The following TRAF3 variants were observed in gnomAD, a reference collection of about 807,000 sequenced individuals.
The protein encoded by TRAF3 is TNF receptor-associated factor 3.
A neutral mutation model predicts 62.3 loss-of-function variants in TRAF3; 13 were observed. The ratio of observed to expected loss-of-function variants is 0.21; its 90% CI spans 0.14 to 0.33. The LOEUF (loss-of-function observed/expected upper bound fraction) is 0.33, where lower values mean the gene tolerates loss of function less well. Among genes scored for constraint, TRAF3 ranks in the 10% least tolerant of loss-of-function variants. The pLI is 1.00. For synonymous variants in TRAF3, 269 were observed against 283.4 expected (o/e 0.95, Z 0.51); for missense variants, 440 against 741.8 (o/e 0.59, Z 4.73).
At chr14:102,882,108 G>A (rs1266776809) in intron 6 of TRAF3, among the ~76,000 whole-genome samples, 1 of 152,168 alleles carries the variant, frequency 6.6e-6, no homozygotes, top group African/African-American at 2.4e-5. Flanking sequence ...ATGCCAACAA[G>A]GAAGGACCAG....
At chr14:102,883,439 CAG>C (rs532062279) in intron 6 of TRAF3, among the ~76,000 whole-genome samples, 104 of 152,232 alleles carry the variant, frequency 6.8e-4, no homozygotes, top group African/African-American at 2.4e-3. Context: ...TTACAAAACT[CAG>C]GGTTGTGGTT....
intron 2 of TRAF3, among the ~76,000 whole-genome samples, chr14:102,863,588 G>A (rs1887804006): frequency 6.6e-6 from 1 of 152,150 alleles, no homozygotes. Flanking sequence ...GGTCTTTCCT[G>A]AACATGTACA....
chr14:102,795,596 A>ATGTGTGCGTG (rs1189667975), intron 1 of TRAF3, among the ~76,000 whole-genome samples: 11 of 129,194 alleles, frequency 8.5e-5, no homozygotes, highest in African/African-American at 3.0e-4. Context: ...TGATATGTAT[A>ATGTGTGCGTG]TATGTGTGTG....
At position 102,870,357 on chromosome 14, in the gene TRAF3, G is replaced by T. The variant is rs779844990; in HGVS notation, c.156G>T (p.Lys52Asn). The T allele has an allele frequency of 8.1e-6, 13 of 1,614,118 alleles. No homozygotes were observed. The Admixed American group carries it at 2.2e-4, about 27-fold the overall frequency. ...TGAAGACCGTGGAGGACAAGTACAA[G>T]TGTGAGAAGTGCCACCTGGTGCTGT... is the stretch of plus-strand genomic sequence containing the variant. ...KFVKTVEDKY[K>N]CEKCHLVLCS... The change falls in exon 3 of 12, where the codon AAG becomes AAT. Residue 52 changes from lysine to asparagine, a missense_variant. By Grantham distance (94) the Lys-to-Asn change is moderately conservative (BLOSUM62 0). Around this residue, in one of 6 missense-constraint regions of TRAF3, gnomAD observed 255 missense variants for 424.1 expected, o/e 0.60. Transcript: ENST00000392745.
chr14:102,803,576 ATT>A (rs747187998), intron 1 of TRAF3, among the ~76,000 whole-genome samples: 9 of 144,706 alleles, frequency 6.2e-5, no homozygotes, highest in Admixed American at 7.0e-5. Context: ...CAGAAGTATA[ATT>A]TTTTTTTTTT....
chr14:102,868,531 AGG>A (rs1034970736), intron 2 of TRAF3, among the ~76,000 whole-genome samples: 5 of 152,192 alleles, frequency 3.3e-5, no homozygotes, highest in Non-Finnish European at 7.3e-5. Flanking sequence ...AAAGGTCGTA[AGG>A]CACTGGGCAA....
At chr14:102,890,897 G>C (rs1889672893) in intron 8 of TRAF3, among the ~76,000 whole-genome samples, 1 of 152,170 alleles carries the variant, frequency 6.6e-6, no homozygotes, top group Non-Finnish European at 1.5e-5. Flanking sequence ...TTACTAGACT[G>C]TTGTGGCAGT....
intron 2 of TRAF3, among the ~76,000 whole-genome samples, chr14:102,861,413 A>T (rs1289092094): frequency 2.6e-5 from 4 of 152,194 alleles, no homozygotes. Flanking sequence ...CATCAAACCC[A>T]AGTTCAGTCA....
At chr14:102,786,936 G>A (rs1367406141) in intron 1 of TRAF3, among the ~76,000 whole-genome samples, 1 of 151,774 alleles carries the variant, frequency 6.6e-6, no homozygotes, top group African/African-American at 2.4e-5. Context: ...CGAGGCTACA[G>A]TGAGGTGTTA....
At chr14:102,850,397 T>C (rs1886963226) in intron 2 of TRAF3, among the ~76,000 whole-genome samples, 1 of 152,156 alleles carries the variant, frequency 6.6e-6, no homozygotes, top group Non-Finnish European at 1.5e-5. Flanking sequence ...TAAAGAAGAC[T>C]GCAGAATAAG....
At chr14:102,840,856 C>T (rs1886334332) in intron 2 of TRAF3, among the ~76,000 whole-genome samples, 1 of 152,124 alleles carries the variant, frequency 6.6e-6, no homozygotes, top group African/African-American at 2.4e-5. Context: ...GGACCATGTT[C>T]CTTGAAATAA....
At chr14:102,843,128 G>A (rs1379145847) in intron 2 of TRAF3, among the ~76,000 whole-genome samples, 1 of 151,374 alleles carries the variant, frequency 6.6e-6, no homozygotes, top group African/African-American at 2.4e-5. Context: ...GCTTGAACCC[G>A]GGAGGCAGAG....
chr14:102,825,747 AAGTC>A (rs1240140281), intron 1 of TRAF3, among the ~76,000 whole-genome samples: 6 of 152,224 alleles, frequency 3.9e-5, no homozygotes, highest in African/African-American at 1.2e-4. Context: ...CCTGACTTGA[AAGTC>A]AGAGTTCTTC....
intron 2 of TRAF3, among the ~76,000 whole-genome samples, chr14:102,855,694 C>G (rs10131869): frequency 0.42 from 64,107 of 151,344 alleles, 18,683 homozygotes; most frequent in African/African-American, 0.83. Flanking sequence ...TACTAGGGAG[C>G]CTGAGGCACG....
intron 2 of TRAF3, among the ~76,000 whole-genome samples, chr14:102,844,413 G>A (rs1377828798): frequency 2.0e-5 from 3 of 152,192 alleles, no homozygotes; most frequent in African/African-American, 4.8e-5. Context: ...GAAAGAGGGA[G>A]AATCTCTATA....
chr14:102,868,425 G>A (rs1032948032), intron 2 of TRAF3, among the ~76,000 whole-genome samples: 3 of 152,162 alleles, frequency 2.0e-5, no homozygotes, highest in Non-Finnish European at 2.9e-5. Flanking sequence ...GGAGTACAGG[G>A]CTGGCCAGGG....
chr14:102,872,009 C>G (rs765916612), intron 4 of TRAF3, 41 bp downstream of exon 4: 1 of 1,595,634 alleles, frequency 6.3e-7, no homozygotes, highest in South Asian at 1.1e-5. Flanking sequence ...CACATGTTTT[C>G]AGCTGGGTAA....
At chr14:102,890,215 G>A (rs1413900989) in intron 8 of TRAF3, among the ~76,000 whole-genome samples, 1 of 152,216 alleles carries the variant, frequency 6.6e-6, no homozygotes, top group African/African-American at 2.4e-5. Context: ...TGCATCTGGT[G>A]TTTTGTTGTT....
chr14:102,795,790 G>A (rs1454626103), intron 1 of TRAF3, among the ~76,000 whole-genome samples: 1 of 152,130 alleles, frequency 6.6e-6, no homozygotes, highest in East Asian at 1.9e-4. Flanking sequence ...ATTCCCTAGA[G>A]GCAGGAATGC....
Sources: gnomAD v4.1 joint callset for allele counts (sites outside exome capture counted in the v4.1 genomes callset) on GRCh38, gnomAD v4.1.1 for gene constraint, gnomAD v4.1.1 regional missense constraint, MANE v1.5 for transcripts, NCBI Gene and HGNC (gene_info 2026-07-23, HGNC 2026-07-21) for gene names.